Variants in PHLPP1 observed in about 807,000 individuals in gnomAD.
PHLPP1 encodes the protein PH domain and leucine rich repeat protein phosphatase 1.
PHLPP1 carries 42 observed loss-of-function variants against 117.2 expected under a neutral mutation model. That is an observed-to-expected ratio of 0.36 (90% confidence interval 0.28 to 0.46). The LOEUF (loss-of-function observed/expected upper bound fraction) is 0.46. Among genes scored for constraint, PHLPP1 ranks in the 20% least tolerant of loss-of-function variants. The pLI is 1.00. For synonymous variants in PHLPP1, 1,042 were observed against 970.7 expected (o/e 1.07, Z -1.37); for missense variants, 2,084 against 2,241.9 (o/e 0.93, Z 1.42).
At chr18:62,798,925 C>G (rs1385599335) in intron 1 of PHLPP1, among the ~76,000 whole-genome samples, 2 of 151,878 alleles carry the variant, frequency 1.3e-5, no homozygotes, top group Non-Finnish European at 1.5e-5. Context: ...CAAAACAAAA[C>G]AAAAAACAAA....
At chr18:62,799,666 T>C (rs921760633) in intron 1 of PHLPP1, among the ~76,000 whole-genome samples, 4 of 152,204 alleles carry the variant, frequency 2.6e-5, no homozygotes, top group African/African-American at 9.6e-5. Flanking sequence ...TCATCTATCA[T>C]AAACCATTTA....
chr18:62,783,352 T>A (rs1014780191), intron 1 of PHLPP1, among the ~76,000 whole-genome samples: 2 of 151,336 alleles, frequency 1.3e-5, no homozygotes, highest in Non-Finnish European at 2.9e-5. Flanking sequence ...CTCAGCCTCC[T>A]GAGTAGCTGG....
At chr18:62,783,673 G>A (rs1447025547) in intron 1 of PHLPP1, among the ~76,000 whole-genome samples, 1 of 129,138 alleles carries the variant, frequency 7.7e-6, no homozygotes, top group Non-Finnish European at 1.6e-5. Context: ...CTTTTCTTTT[G>A]CCCTTTTTTC....
intron 1 of PHLPP1, among the ~76,000 whole-genome samples, chr18:62,788,812 T>C (rs1913375271): frequency 6.6e-6 from 1 of 152,190 alleles, no homozygotes; most frequent in Non-Finnish European, 1.5e-5. Context: ...TTCCCCCTTT[T>C]TCCTATATAT....
At chr18:62,903,616 T>C (rs1916777921) in intron 7 of PHLPP1, among the ~76,000 whole-genome samples, 1 of 152,154 alleles carries the variant, frequency 6.6e-6, no homozygotes, top group African/African-American at 2.4e-5. Flanking sequence ...ACCAGAATGT[T>C]AGCTGGGCGT....
At chr18:62,924,891 A>C (rs565201445) in intron 10 of PHLPP1, among the ~76,000 whole-genome samples, 1 of 151,404 alleles carries the variant, frequency 6.6e-6, no homozygotes, top group Non-Finnish European at 1.5e-5. Flanking sequence ...TTAATCTGCT[A>C]TACCTGGTAG....
chr18:62,717,067 G>GCGCCTCCGC lies in PHLPP1; in HGVS notation c.1389_1397dup (p.Pro467_Pro469dup). 5.2e-6 allele frequency: 8 copies of GCGCCTCCGC among 1,546,026 alleles called. No homozygotes were observed. The highest frequency in any genetic ancestry group is 7.0e-6 in the Non-Finnish European group (8 of 1,145,550). ...GAGGAGCGGGGTGACCGCGGAGAAG[G>GCGCCTCCGC]CGCCTCCGCCGCCCCCGCCGCCCAC... On this transcript the variant is annotated inframe_insertion, in exon 1 of 17. Coordinates refer to ENST00000262719, the MANE Select transcript of PHLPP1 (RefSeq NM_194449.4).
intron 8 of PHLPP1, 150 bp downstream of exon 8, chr18:62,905,434 T>G (rs1916823046): frequency 2.4e-6 from 1 of 416,304 alleles, no homozygotes; most frequent in South Asian, 1.1e-4. Context: ...ATTATATATA[T>G]CTATTGATTA....
intron 1 of PHLPP1, among the ~76,000 whole-genome samples, chr18:62,726,864 G>T (rs575719136): frequency 6.6e-5 from 10 of 151,630 alleles, no homozygotes; most frequent in African/African-American, 2.4e-4. Flanking sequence ...GATTACAGGC[G>T]TGACCCACCA....
At chr18:62,859,924 G>A (rs772358951) in intron 3 of PHLPP1, among the ~76,000 whole-genome samples, 2 of 152,166 alleles carry the variant, frequency 1.3e-5, no homozygotes, top group Non-Finnish European at 2.9e-5. Context: ...CAAATACTAA[G>A]TACAGACATG....
At chr18:62,795,360 C>G (rs1259686721) in intron 1 of PHLPP1, among the ~76,000 whole-genome samples, 1 of 151,672 alleles carries the variant, frequency 6.6e-6, no homozygotes, top group Non-Finnish European at 1.5e-5. Context: ...CGCCTGTAGT[C>G]CCAGCTACTC....
chr18:62,726,321 CTT>C (rs76301799), intron 1 of PHLPP1, among the ~76,000 whole-genome samples: 6 of 139,534 alleles, frequency 4.3e-5, no homozygotes, highest in Non-Finnish European at 3.1e-5. Context: ...CCCTTGCCTG[CTT>C]TTTTTTTTTG....
intron 4 of PHLPP1, among the ~76,000 whole-genome samples, chr18:62,870,229 G>A (rs1394960945): frequency 6.6e-6 from 1 of 152,058 alleles, no homozygotes; most frequent in Non-Finnish European, 1.5e-5. Context: ...CTACTATGAG[G>A]TGTTTGTCTC....
Position 62,765,676 on chromosome 18 carries a change from A to G in PHLPP1, c.1576+48417A>G, listed in dbSNP as rs185019638. On this transcript the variant is annotated intron_variant, in intron 1 of 16. Transcript: ENST00000262719. Reference sequence around the variant, plus strand: ...AGTTTTTAAGATGCATGTGTTCTCAAAAAGGGTAAGTGACATAAAATATTT... The same window carrying G: ...AGTTTTTAAGATGCATGTGTTCTCAGAAAGGGTAAGTGACATAAAATATTT... 1.1e-3 allele frequency among the ~76,000 whole-genome samples: 163 copies of G among 152,236 alleles called. 1 individual carries two copies. The highest frequency in any genetic ancestry group is 2.0e-3 in the Non-Finnish European group (138 of 68,008).
intron 6 of PHLPP1, among the ~76,000 whole-genome samples, chr18:62,898,645 T>C (rs950644896): frequency 6.6e-6 from 1 of 152,152 alleles, no homozygotes; most frequent in Non-Finnish European, 1.5e-5. Flanking sequence ...AAGTTAACTA[T>C]TTGCTACTTT....
intron 1 of PHLPP1, among the ~76,000 whole-genome samples, chr18:62,810,053 C>G (rs1453347402): frequency 2.0e-5 from 3 of 152,192 alleles, no homozygotes; most frequent in African/African-American, 7.2e-5. Context: ...GAGAGCTTCT[C>G]TAGTTAAATA....
chr18:62,766,076 A>AAAAATATATATATATATATT lies in PHLPP1; in HGVS notation c.1576+48818_1576+48819insAAATATATATATATATATTA. Among the ~76,000 whole-genome samples, 2 of 21,648 alleles carry AAAAATATATATATATATATT rather than the reference A, an allele frequency of 9.2e-5. 1 individual carries two copies. The highest frequency in any genetic ancestry group is 1.7e-4 in the Non-Finnish European group (2 of 11,804). The allele number at this position is 21,648 out of a possible 152,430, so 14.2% of individuals were successfully genotyped here. A position where few individuals can be genotyped will look rare whatever the true frequency, so the allele number is the denominator to read the frequency against. ...ACTCCATCTCAAAAAAAAAAAAAAA[A>AAAAATATATATATATATATT]ATATATATATATATATATATATATA... On this transcript the variant is annotated intron_variant, in intron 1 of 16. Coordinates refer to ENST00000262719, the MANE Select transcript of PHLPP1 (RefSeq NM_194449.4).
At chr18:62,720,721 A>G (rs1019606315) in intron 1 of PHLPP1, among the ~76,000 whole-genome samples, 5 of 151,484 alleles carry the variant, frequency 3.3e-5, no homozygotes, top group Admixed American at 2.0e-4. Context: ...TTTTTTTAGT[A>G]TTTTACATTT....
At chr18:62,733,451 A>T in intron 1 of PHLPP1, among the ~76,000 whole-genome samples, 1 of 152,240 alleles carries the variant, frequency 6.6e-6, no homozygotes, top group Non-Finnish European at 1.5e-5. Flanking sequence ...GAAACCAAAA[A>T]ATTCATGTGA....
Sources: gnomAD v4.1 joint callset for allele counts (sites outside exome capture counted in the v4.1 genomes callset) on GRCh38, gnomAD v4.1.1 for gene constraint, MANE v1.5 for transcripts, NCBI Gene and HGNC (gene_info 2026-07-23, HGNC 2026-07-21) for gene names.